The following CTNNA3 variants were observed in gnomAD, a reference collection of about 807,000 sequenced individuals.
CTNNA3 encodes catenin alpha 3, also known as catenin alpha-3.
In CTNNA3, 76 loss-of-function variants were observed where a neutral mutation model predicts 95.7. The observed-to-expected ratio is 0.79, with a 90% CI of 0.66 to 0.96. The LOEUF is 0.96. Among genes scored for constraint, CTNNA3 ranks in the 40% least tolerant of loss-of-function variants. CTNNA3 has a pLI of 0.00. For missense variants in CTNNA3, 1,191 were observed against 1,089.8 expected (o/e 1.09, Z -1.31); for synonymous variants, 431 against 374.4 (o/e 1.15, Z -1.74).
At chr10:66,542,600 A>G (rs1304711131) in intron 10 of CTNNA3, among the ~76,000 whole-genome samples, 1 of 152,138 alleles carries the variant, frequency 6.6e-6, no homozygotes, top group Admixed American at 6.5e-5. Flanking sequence ...GACATGGATG[A>G]AGCTGGAAAC....
intron 7 of CTNNA3, among the ~76,000 whole-genome samples, chr10:67,049,272 G>C (rs1352795741): frequency 1.3e-5 from 2 of 151,970 alleles, no homozygotes; most frequent in African/African-American, 4.8e-5. Context: ...AAGGTAAGAG[G>C]TCTATTATTA....
intron 7 of CTNNA3, among the ~76,000 whole-genome samples, chr10:67,042,820 GAGAGTTA>G (rs1437376739): frequency 2.0e-5 from 3 of 152,156 alleles, no homozygotes; most frequent in Non-Finnish European, 2.9e-5. Flanking sequence ...GATAGTCAAC[GAGAGTTA>G]ATTTAGTTCC....
intron 13 of CTNNA3, among the ~76,000 whole-genome samples, chr10:66,163,602 G>T (rs1481560274): frequency 6.6e-6 from 1 of 152,048 alleles, no homozygotes; most frequent in Non-Finnish European, 1.5e-5. Flanking sequence ...TCCTTCAGAG[G>T]GTCTCTGGGT....
intron 14 of CTNNA3, among the ~76,000 whole-genome samples, chr10:66,102,596 T>C (rs1272293576): frequency 2.6e-5 from 4 of 152,150 alleles, no homozygotes; most frequent in African/African-American, 9.7e-5. Flanking sequence ...GATGCCAAAC[T>C]TTCACAGATA....
chr10:66,299,903 C>A (rs1162299971), intron 12 of CTNNA3, among the ~76,000 whole-genome samples: 3 of 151,292 alleles, frequency 2.0e-5, no homozygotes, highest in Non-Finnish European at 4.4e-5. Context: ...AATTTTTTTT[C>A]TTTTTTTGAG....
chr10:66,553,523 T>C (rs1307498507), intron 10 of CTNNA3, among the ~76,000 whole-genome samples: 1 of 117,220 alleles, frequency 8.5e-6, no homozygotes, highest in African/African-American at 3.2e-5. Context: ...TTTTCTTTTT[T>C]TTTTTTTTTT....
chr10:66,572,582 C>T (rs1357346773), intron 10 of CTNNA3, among the ~76,000 whole-genome samples: 1 of 149,908 alleles, frequency 6.7e-6, no homozygotes, highest in Admixed American at 6.6e-5. Context: ...AAAAACAAAA[C>T]ATGAAATAAA....
intron 10 of CTNNA3, among the ~76,000 whole-genome samples, chr10:66,593,202 T>G (rs1843608482): frequency 6.6e-6 from 1 of 152,144 alleles, no homozygotes; most frequent in African/African-American, 2.4e-5. Flanking sequence ...AATTCACCAA[T>G]ACTGGTGTGT....
intron 9 of CTNNA3, among the ~76,000 whole-genome samples, chr10:66,724,161 T>C (rs1464806645): frequency 6.6e-6 from 1 of 152,142 alleles, no homozygotes; most frequent in African/African-American, 2.4e-5. Context: ...GATGAAGTAC[T>C]TGCATGAAGG....
At chr10:66,282,392 T>C (rs2091508829) in intron 12 of CTNNA3, among the ~76,000 whole-genome samples, 1 of 151,808 alleles carries the variant, frequency 6.6e-6, no homozygotes, top group Non-Finnish European at 1.5e-5. Flanking sequence ...ACATATTCTA[T>C]CTAAATCTAA....
chr10:66,450,409 A>G (rs1043347075), intron 11 of CTNNA3, among the ~76,000 whole-genome samples: 41 of 152,104 alleles, frequency 2.7e-4, no homozygotes, highest in African/African-American at 9.7e-4. Flanking sequence ...CTTGTATAAT[A>G]TAGTAAGGCT....
chr10:67,238,355 A>G (rs1362213571), intron 5 of CTNNA3, among the ~76,000 whole-genome samples: 2 of 152,110 alleles, frequency 1.3e-5, no homozygotes, highest in East Asian at 1.9e-4. Context: ...TTCCTTGAGT[A>G]TATCAACCCA....
At chr10:66,972,690 T>G (rs959989626) in intron 7 of CTNNA3, among the ~76,000 whole-genome samples, 14 of 146,652 alleles carry the variant, frequency 9.5e-5, no homozygotes, top group South Asian at 8.6e-4. Context: ...TTAAAGGTTC[T>G]GTCAAATAGA....
At chr10:67,219,524 C>T in intron 6 of CTNNA3, 83 bp downstream of exon 6, 1 of 1,430,872 alleles carries the variant, frequency 7.0e-7, no homozygotes, top group Non-Finnish European at 9.4e-7. Flanking sequence ...CTCTAAACGC[C>T]AACATGTGGA....
intron 7 of CTNNA3, among the ~76,000 whole-genome samples, chr10:66,871,423 A>T (rs1253771797): frequency 6.6e-6 from 1 of 151,938 alleles, no homozygotes; most frequent in Non-Finnish European, 1.5e-5. Context: ...TTAGATGGGC[A>T]TGGTGGTGGG....
intron 11 of CTNNA3, among the ~76,000 whole-genome samples, chr10:66,479,979 C>CACA (rs1565003130): frequency 6.8e-6 from 1 of 146,438 alleles, no homozygotes; most frequent in South Asian, 2.1e-4. Flanking sequence ...CACACACACA[C>CACA]CCCAGAACTT....
chr10:67,317,927 A>C (rs2132544102), intron 5 of CTNNA3, among the ~76,000 whole-genome samples: 1 of 152,208 alleles, frequency 6.6e-6, no homozygotes, highest in South Asian at 2.1e-4. Flanking sequence ...CTTTAAAATC[A>C]GGAGACAGCT....
At chr10:66,255,061 A>C (rs1199035217) in intron 13 of CTNNA3, among the ~76,000 whole-genome samples, 2 of 152,188 alleles carry the variant, frequency 1.3e-5, no homozygotes, top group Admixed American at 1.3e-4. Flanking sequence ...CAGCAGCAAA[A>C]TCAACTCTGC....
At chr10:66,178,414 T>C (rs1209299621) in intron 13 of CTNNA3, among the ~76,000 whole-genome samples, 1 of 47,340 alleles carries the variant, frequency 2.1e-5, no homozygotes, top group East Asian at 8.7e-4. Context: ...TATATATATA[T>C]ATATATATAT....
Sources: gnomAD v4.1 joint callset for allele counts (sites outside exome capture counted in the v4.1 genomes callset) on GRCh38, gnomAD v4.1.1 for gene constraint, MANE v1.5 for transcripts, NCBI Gene and HGNC (gene_info 2026-07-23, HGNC 2026-07-21) for gene names.